TBC1D9B: variants seen among roughly 807,000 people sequenced by gnomAD.
TBC1D9B encodes the protein TBC1 domain family member 9B, also known as TBC1 domain family, member 9B (with GRAM domain).
In TBC1D9B, 87 loss-of-function variants were observed where a neutral mutation model predicts 121.1. The observed-to-expected ratio is 0.72, with a 90% CI of 0.60 to 0.86. The LOEUF is 0.86. TBC1D9B is among the 40% of genes least tolerant of loss of function. The pLI, the probability that TBC1D9B is intolerant of heterozygous loss-of-function variation, is 0.00. For synonymous variants in TBC1D9B, 668 were observed against 670.1 expected (o/e 1.00, Z 0.05); for missense variants, 1,540 against 1,628.6 (o/e 0.95, Z 0.94).
Position 179,904,426 on chromosome 5 carries a change from C to T in TBC1D9B, c.229+276G>A, listed in dbSNP as rs935917706. Among the ~76,000 whole-genome samples the T allele has an allele frequency of 2.6e-5, 4 of 152,146 alleles. No individual in the cohort carries two copies. Among genetic ancestry groups the T allele is most frequent in the South Asian group, 4.1e-4 (2 of 4,826 alleles). On this transcript the variant is annotated intron_variant, in intron 2 of 20. Transcript: ENST00000355235. This position sits in a 1 kb window ranked among gnomAD's most constrained non-coding sequence, Gnocchi z 4.2. Reference sequence around the variant, plus strand: ...TTTTTTAGTAGAGACGTGGTTTCACCGTGTTAGCCAGGATGGTCTCGATCT... The same window carrying T: ...TTTTTTAGTAGAGACGTGGTTTCACTGTGTTAGCCAGGATGGTCTCGATCT...
intron 6 of TBC1D9B, among the ~76,000 whole-genome samples, chr5:179,889,725 A>C (rs866691518): frequency 2.6e-5 from 4 of 151,742 alleles, no homozygotes; most frequent in Non-Finnish European, 5.9e-5. Flanking sequence ...TTTAAAAAAA[A>C]CAGCTAGGTG....
rs762155721 is a variant in TBC1D9B, at chr5:179,863,565, C to G, written c.3585G>C (p.Val1195=). 6 of 1,614,112 alleles carry G rather than the reference C, an allele frequency of 3.7e-6. No individual in the cohort carries two copies. The African/African-American group carries it at 8.0e-5, about 22-fold the overall frequency. ...QILASILTES[V]LVNFFEKRVD... is the part of the protein sequence containing the mutation. ...CTCTCTTCTCAAAGAAGTTCACCAGCACGGACTCCGTCAGGATGGAGGCCA... is the reference window on the plus strand; with the variant it reads ...CTCTCTTCTCAAAGAAGTTCACCAGGACGGACTCCGTCAGGATGGAGGCCA... Residue 1195 remains valine, a synonymous_variant, in exon 21 of 21, where the codon GTG becomes GTC. Coordinates refer to ENST00000355235, the MANE Select transcript of TBC1D9B (RefSeq NM_015043.4). This position sits in a 1 kb window ranked among gnomAD's most constrained non-coding sequence, Gnocchi z 4.5.
At position 179,865,229 on chromosome 5, in the gene TBC1D9B, T is replaced by C. The variant is rs1255482331; in HGVS notation, c.3021+25A>G. ...TTGGTCAGAACTCTCCAGAAATGTC[T>C]ACTGTGGGCTCCAGTGGAGCCTACC... On this transcript the variant is annotated intron_variant, in intron 20 of 20. Coordinates refer to ENST00000355235, the MANE Select transcript of TBC1D9B (RefSeq NM_015043.4). The surrounding 1 kb of genome is among the most constrained non-coding windows in gnomAD (Gnocchi z 5.1). 2.5e-6 allele frequency: 4 copies of C among 1,606,268 alleles called. No homozygotes were observed. The highest frequency in any genetic ancestry group is 1.1e-5 in the South Asian group (1 of 90,922).
intron 3 of TBC1D9B, among the ~76,000 whole-genome samples, chr5:179,898,388 C>T (rs1582103823): frequency 1.3e-5 from 2 of 151,944 alleles, no homozygotes; most frequent in South Asian, 2.1e-4. Context: ...CTCCTAACCT[C>T]GTGATCTGCC....
In TBC1D9B at chr5:179,865,990, G is replaced by A; in HGVS notation, c.2864-102C>T. 6.9e-7 allele frequency: 1 copy of A among 1,455,726 alleles called. No homozygotes were observed. The highest frequency in any genetic ancestry group is 9.6e-7 in the Non-Finnish European group (1 of 1,044,126). The allele number at this position is 1,455,726 out of a possible 1,614,324, so 90.2% of individuals were successfully genotyped here. A position where few individuals can be genotyped will look rare whatever the true frequency, so the allele number is the denominator to read the frequency against. Reference sequence around the variant, plus strand: ...TGTAGTCTGTGTTTCTGTACAGCCAGCCCCAGGCCAGGCCCTGGGGAGCAG... The same window carrying A: ...TGTAGTCTGTGTTTCTGTACAGCCAACCCCAGGCCAGGCCCTGGGGAGCAG... On this transcript the variant is annotated intron_variant, in intron 18 of 20. Transcript: ENST00000355235. The surrounding 1 kb of genome is among the most constrained non-coding windows in gnomAD (Gnocchi z 5.1).
intron 7 of TBC1D9B, among the ~76,000 whole-genome samples, chr5:179,880,658 C>T (rs1760516044): frequency 6.6e-6 from 1 of 151,972 alleles, no homozygotes; most frequent in Non-Finnish European, 1.5e-5. Flanking sequence ...TAAAACGTAC[C>T]AAATTGTATT....
Position 179,870,360 on chromosome 5 carries a change from A to G in TBC1D9B, c.2620T>C (p.Trp874Arg). The G allele has an allele frequency of 6.2e-7, 1 of 1,613,890 alleles. No homozygotes were observed. Among genetic ancestry groups the G allele is most frequent in the Non-Finnish European group, 8.5e-7 (1 of 1,180,040 alleles). The change falls in exon 16 of 21, where the codon TGG becomes CGG. Residue 874 changes from tryptophan to arginine, a missense_variant. Physicochemically the swap from Trp to Arg is moderately radical, Grantham distance 101 (BLOSUM62 -3). Transcript: ENST00000355235. ...AGAGGTGTGTGGGAGCCACAGGCCC[A>G]GGGTGTCAGGCTGGCAAAGAGTTCC... ...FRELFASLTP[W>R]ACGSHTPLLA... is the part of the protein sequence containing the mutation.
intron 7 of TBC1D9B, among the ~76,000 whole-genome samples, chr5:179,887,038 G>A (rs1760706582): frequency 6.6e-6 from 1 of 152,224 alleles, no homozygotes; most frequent in African/African-American, 2.4e-5. Flanking sequence ...CTGGTCACAT[G>A]TGGAAGACAC....
intron 14 of TBC1D9B, 99 bp from the exon 15 acceptor site, chr5:179,871,629 G>T: frequency 7.6e-7 from 1 of 1,307,606 alleles, no homozygotes; most frequent in Non-Finnish European, 1.1e-6. Flanking sequence ...AAGGGCAAGG[G>T]TGTGAACCGC....
chr5:179,878,490 T>C lies in TBC1D9B; in HGVS notation c.1601A>G (p.Tyr534Cys), dbSNP rs1760427414. The change falls in exon 10 of 21, where the codon TAC (tyrosine) becomes TGC (cysteine). Residue 534 changes from tyrosine (Y) to cysteine (C), a missense_variant. By Grantham distance (194) the Tyr-to-Cys change is radical. Coordinates refer to ENST00000355235, the MANE Select transcript of TBC1D9B (RefSeq NM_015043.4). ...AWNEMVTHPG[Y>C]YAELVEKSTG... The stretch of plus-strand genomic sequence containing the variant: ...GGACTTCTCCACCAGCTCAGCATAG[T>C]ACCCGGGGTGAGTCACCATCTCATT... The C allele has an allele frequency of 6.2e-7, 1 of 1,610,390 alleles. No individual in the cohort carries two copies. Among genetic ancestry groups the C allele is most frequent in the Non-Finnish European group, 8.5e-7 (1 of 1,178,352 alleles).
In TBC1D9B at chr5:179,894,366, A is replaced by G; in HGVS notation, c.577+20T>C. 2 of 1,597,232 alleles carry G rather than the reference A, an allele frequency of 1.3e-6. No homozygotes were observed. Among genetic ancestry groups the G allele is most frequent in the Non-Finnish European group, 1.7e-6 (2 of 1,172,152 alleles). ...GGGCTGAGGGTGTGGGGGCTGGGGC[A>G]CACTGAGGGGCGGGCTCACCTTCCT... On this transcript the variant is annotated intron_variant, in intron 4 of 20. Transcript: ENST00000355235.
chr5:179,874,916 C>T lies in TBC1D9B; in HGVS notation c.2172G>A (p.Met724Ile). The T allele has an allele frequency of 6.2e-7, 1 of 1,613,294 alleles. No individual in the cohort carries two copies. Among genetic ancestry groups the T allele is most frequent in the Non-Finnish European group, 8.5e-7 (1 of 1,180,014 alleles). The change falls in exon 12 of 21, where the codon ATG (methionine) becomes ATA (isoleucine). Residue 724 changes from methionine (M) to isoleucine (I), a missense_variant. Physicochemically the swap from Met to Ile is conservative, Grantham distance 10 (BLOSUM62 1). Transcript: ENST00000355235. This position sits in a 1 kb window ranked among gnomAD's most constrained non-coding sequence, Gnocchi z 4.3. ...CGGCATGTCACCTGCCCAGCATGGT[C>T]ATGGCCTCGCCCTCGTCGCTGCAGC... ...LLGCSDEGEA[M>I]TMLGRYLDNV...
chr5:179,891,654 G>T lies in TBC1D9B; in HGVS notation c.837-68C>A. ...TCAGGACCAGCACACTCTCAAGGAAGCCTTGGGGCCTCCCCAGGCCTGTTT... is the reference window on the plus strand; with the variant it reads ...TCAGGACCAGCACACTCTCAAGGAATCCTTGGGGCCTCCCCAGGCCTGTTT... On this transcript the variant is annotated intron_variant, in intron 5 of 20. Coordinates refer to ENST00000355235, the MANE Select transcript of TBC1D9B (RefSeq NM_015043.4). This position sits in a 1 kb window ranked among gnomAD's most constrained non-coding sequence, Gnocchi z 4.3. 1.3e-6 allele frequency: 2 copies of T among 1,547,222 alleles called. No individual in the cohort carries two copies. Among genetic ancestry groups the T allele is most frequent in the South Asian group, 1.1e-5 (1 of 89,160 alleles).
At chr5:179,900,835 C>T (rs543268538) in intron 2 of TBC1D9B, among the ~76,000 whole-genome samples, 19 of 152,262 alleles carry the variant, frequency 1.2e-4, no homozygotes, top group Admixed American at 6.5e-4. Flanking sequence ...GCACTATGCT[C>T]GGGAGGCCAG....
rs58537646 is a variant in TBC1D9B, at chr5:179,877,070, C to CAAA, written c.1783-1036_1783-1034dup. On this transcript the variant is annotated intron_variant, in intron 10 of 20. Transcript: ENST00000355235. Reference sequence around the variant, plus strand: ...TGGGCAACAGAAGGAGATCCTGTCTCAAAAAAAAAAAAAAAAAAAAAAAAA... The same window carrying CAAA: ...TGGGCAACAGAAGGAGATCCTGTCTCAAAAAAAAAAAAAAAAAAAAAAAAAAAA... 5.0e-3 allele frequency among the ~76,000 whole-genome samples: 171 copies of CAAA among 34,068 alleles called. 4 individuals carry two copies. Among genetic ancestry groups the CAAA allele is most frequent in the African/African-American group, 0.015 (156 of 10,464 alleles). 22.3% of individuals were successfully genotyped at this position (34,068 alleles called of 152,430 possible).
rs751306031 is a variant in TBC1D9B, at chr5:179,894,564, G to A, written c.399C>T (p.Asp133=). ...GCTCAGCCTCCTTGAACTTCCCGGG[G>A]TCCTCGTCTCCCTGGGGCTGCAGGT... ...NKNLQPQGDE[D]PGKFKEAELK... is the part of the protein sequence containing the mutation. The change falls in exon 4 of 21, where the codon GAC becomes GAT. Residue 133 remains aspartate (D), a synonymous_variant. Coordinates refer to ENST00000355235, the MANE Select transcript of TBC1D9B (RefSeq NM_015043.4). 2 of 1,614,192 alleles carry A rather than the reference G, an allele frequency of 1.2e-6. No individual in the cohort carries two copies. The highest frequency in any genetic ancestry group is 1.7e-6 in the Non-Finnish European group (2 of 1,180,032).
chr5:179,870,640 C>T (rs892382631), intron 15 of TBC1D9B, 145 bp from the exon 16 acceptor site: 2 of 1,222,052 alleles, frequency 1.6e-6, no homozygotes, highest in Non-Finnish European at 2.2e-6. Context: ...ACTGCAGCAC[C>T]TCCCGAAAGC....
intron 14 of TBC1D9B, chr5:179,872,355 T>A (rs560458392): frequency 3.7e-5 from 6 of 161,102 alleles, no homozygotes; most frequent in Non-Finnish European, 8.2e-5. Context: ...CAGTCTGTGG[T>A]GCTGCGACCC....
intron 12 of TBC1D9B, among the ~76,000 whole-genome samples, 188 bp from the exon 13 acceptor site, chr5:179,873,436 C>T (rs1448397145): frequency 6.6e-6 from 1 of 152,236 alleles, no homozygotes; most frequent in South Asian, 2.1e-4. Context: ...GGGGAGCCCT[C>T]TACAGGGCAG....
Sources: gnomAD v4.1 joint callset for allele counts (sites outside exome capture counted in the v4.1 genomes callset) on GRCh38, gnomAD v4.1.1 for gene constraint, Gnocchi (gnomAD v3.1) non-coding constraint, MANE v1.5 for transcripts, NCBI Gene and HGNC (gene_info 2026-07-23, HGNC 2026-07-21) for gene names.